The following HMCN1 variants were observed in gnomAD, a reference collection of about 807,000 sequenced individuals.
HMCN1 encodes the protein hemicentin 1, also known as hemicentin-1.
A neutral mutation model predicts 625.9 loss-of-function variants in HMCN1; 321 were observed. The observed-to-expected ratio is 0.51, with a 90% CI of 0.47 to 0.56. The LOEUF is 0.56. Among genes scored for constraint, HMCN1 ranks in the 20% least tolerant of loss-of-function variants. The pLI, the probability that HMCN1 is intolerant of heterozygous loss-of-function variation, is 0.00. For synonymous variants in HMCN1, 2,425 were observed against 2,417.6 expected (o/e 1.00, Z -0.09); for missense variants, 6,588 against 6,887.3 (o/e 0.96, Z 1.54).
chr1:186,088,895 C>A, intron 63 of HMCN1, 140 bp downstream of exon 63: 3 of 838,676 alleles, frequency 3.6e-6, no homozygotes, highest in Non-Finnish European at 3.7e-6. Context: ...AGTTTTCTGT[C>A]TTATATTTAC....
intron 1 of HMCN1, among the ~76,000 whole-genome samples, chr1:185,738,784 C>T (rs1313776670): frequency 6.6e-6 from 1 of 152,140 alleles, no homozygotes; most frequent in Non-Finnish European, 1.5e-5. Flanking sequence ...TTATAAAGCT[C>T]TTCTTAGAGT....
chr1:186,039,988 C>T, intron 39 of HMCN1, 109 bp downstream of exon 39: 5 of 1,129,116 alleles, frequency 4.4e-6, no homozygotes, highest in South Asian at 2.5e-5. Context: ...TTAACAGATG[C>T]TATTTTTTAA....
intron 96 of HMCN1, 144 bp from the exon 97 acceptor site, chr1:186,153,606 T>C (rs1650804742): frequency 1.4e-6 from 1 of 734,160 alleles, no homozygotes; most frequent in African/African-American, 1.7e-5. Context: ...AGTTAACACA[T>C]ATTAAATGTT....
In HMCN1 at chr1:185,891,357, A is replaced by T. The variant is rs1365941282; in HGVS notation, c.622-17980A>T. On this transcript the variant is annotated intron_variant, in intron 4 of 106. Transcript: ENST00000271588. ...GTGTGAATTTGATCCTGTCATTATG[A>T]TGTTAGCTGGTTATTTTGCTCGTTA... Among the ~76,000 whole-genome samples, 117 of 146,120 alleles carry T rather than the reference A, an allele frequency of 8.0e-4. 1 individual carries two copies. The highest frequency in any genetic ancestry group is 1.6e-4 in the Non-Finnish European group (11 of 67,928).
At chr1:185,849,796 T>C (rs950316394) in intron 2 of HMCN1, among the ~76,000 whole-genome samples, 15 of 152,300 alleles carry the variant, frequency 9.8e-5, no homozygotes, top group African/African-American at 3.4e-4. Flanking sequence ...CTTGATTATT[T>C]TTCTCTGTTA....
chr1:186,106,167 T>C (rs1231801194), intron 69 of HMCN1, among the ~76,000 whole-genome samples: 4 of 152,174 alleles, frequency 2.6e-5, no homozygotes, highest in Non-Finnish European at 5.9e-5. Context: ...TTTTTCTGTT[T>C]TTCCAAAATA....
chr1:185,886,353 T>C (rs538516638), intron 4 of HMCN1, among the ~76,000 whole-genome samples: 1 of 152,254 alleles, frequency 6.6e-6, no homozygotes, highest in South Asian at 2.1e-4. Context: ...ACATACATAG[T>C]TAAGTAGATA....
chr1:185,786,879 A>C (rs184948762), intron 1 of HMCN1, among the ~76,000 whole-genome samples: 1 of 152,166 alleles, frequency 6.6e-6, no homozygotes, highest in Non-Finnish European at 1.5e-5. Flanking sequence ...GTTTGCCAAC[A>C]TTTCATAGGG....
intron 102 of HMCN1, among the ~76,000 whole-genome samples, 169 bp downstream of exon 102, chr1:186,172,300 C>T (rs1273635872): frequency 2.6e-5 from 4 of 152,208 alleles, no homozygotes; most frequent in Non-Finnish European, 5.9e-5. Context: ...GTCCCAGGGT[C>T]ATGGCTGTAC....
intron 4 of HMCN1, among the ~76,000 whole-genome samples, chr1:185,884,740 G>A (rs891452274): frequency 6.6e-6 from 1 of 152,010 alleles, no homozygotes; most frequent in Non-Finnish European, 1.5e-5. Flanking sequence ...ACTTTGTGAG[G>A]AATATTTTAT....
intron 18 of HMCN1, among the ~76,000 whole-genome samples, chr1:185,983,481 T>C (rs1312079027): frequency 6.6e-6 from 1 of 152,050 alleles, no homozygotes; most frequent in African/African-American, 2.4e-5. Flanking sequence ...TCTAAGAAAA[T>C]GTAAAATTTC....
At chr1:185,881,083 G>T (rs940822862) in intron 4 of HMCN1, among the ~76,000 whole-genome samples, 1 of 152,238 alleles carries the variant, frequency 6.6e-6, no homozygotes, top group African/African-American at 2.4e-5. Flanking sequence ...GCTGTTGACA[G>T]ATGGCTTGAA....
At chr1:186,174,696 C>T (rs933189742) in intron 103 of HMCN1, 54 bp downstream of exon 103, 11 of 1,577,188 alleles carry the variant, frequency 7.0e-6, no homozygotes, top group Admixed American at 1.7e-5. Context: ...GTTACCTAGC[C>T]TTACCAACTC....
intron 11 of HMCN1, among the ~76,000 whole-genome samples, chr1:185,948,760 AAAAC>A (rs1310911965): frequency 2.0e-5 from 3 of 151,852 alleles, no homozygotes; most frequent in East Asian, 3.9e-4. Flanking sequence ...TAAGAAAAAT[AAAAC>A]AAAATAGTGT....
intron 1 of HMCN1, among the ~76,000 whole-genome samples, chr1:185,766,781 G>A (rs2220128): frequency 0.41 from 62,242 of 151,578 alleles, 17,322 homozygotes; most frequent in African/African-American, 0.79. Flanking sequence ...GGCAAATCAC[G>A]GTCAAATTTA....
chr1:186,142,431 TC>T (rs1217910702), intron 89 of HMCN1, among the ~76,000 whole-genome samples: 6 of 152,218 alleles, frequency 3.9e-5, no homozygotes, highest in African/African-American at 1.4e-4. Flanking sequence ...TTTGGTTGCT[TC>T]TGTCTTTACT....
chr1:186,140,079 T>TG (rs1649857019), intron 89 of HMCN1, among the ~76,000 whole-genome samples: 1 of 152,202 alleles, frequency 6.6e-6, no homozygotes, highest in Non-Finnish European at 1.5e-5. Context: ...AACAAGGACA[T>TG]TCTCTTTCAT....
intron 6 of HMCN1, among the ~76,000 whole-genome samples, chr1:185,915,195 A>G (rs1321298501): frequency 1.3e-5 from 2 of 152,108 alleles, no homozygotes; most frequent in South Asian, 2.1e-4. Context: ...AAAGCATGTT[A>G]AAAAGAAGTA....
At chr1:186,104,791 CT>C (rs1290175012) in intron 69 of HMCN1, among the ~76,000 whole-genome samples, 1 of 152,148 alleles carries the variant, frequency 6.6e-6, no homozygotes, top group Admixed American at 6.6e-5. Flanking sequence ...TTCCATTCCC[CT>C]TTTTTCTCTC....
Sources: allele counts gnomAD v4.1 joint callset (sites outside exome capture counted in the v4.1 genomes callset), GRCh38; gene constraint gnomAD v4.1.1; transcripts MANE v1.5; gene names NCBI Gene and HGNC (gene_info 2026-07-23, HGNC 2026-07-21).